The following TANC2 variants were observed in gnomAD, a reference collection of about 807,000 sequenced individuals.
TANC2 encodes tetratricopeptide repeat, ankyrin repeat and coiled-coil containing 2.
A neutral mutation model predicts 210.5 loss-of-function variants in TANC2; 26 were observed. The observed-to-expected ratio is 0.12, with a 90% CI of 0.09 to 0.17. The LOEUF is 0.17. Among genes scored for constraint, TANC2 ranks in the 10% least tolerant of loss-of-function variants. The pLI is 1.00. For synonymous variants in TANC2, 931 were observed against 967.1 expected (o/e 0.96, Z 0.69); for missense variants, 2,129 against 2,608.9 (o/e 0.82, Z 4.01).
intron 7 of TANC2, 131 bp from the exon 8 acceptor site, chr17:63,237,683 A>G: frequency 4.5e-6 from 4 of 882,594 alleles, no homozygotes; most frequent in Non-Finnish European, 6.7e-6. Flanking sequence ...GCATATGGCA[A>G]TCCAGTTTTT....
At chr17:63,340,506 C>A (rs1468906759) in intron 12 of TANC2, among the ~76,000 whole-genome samples, 174 bp downstream of exon 12, 1 of 151,574 alleles carries the variant, frequency 6.6e-6, no homozygotes, top group African/African-American at 2.4e-5. Context: ...AAAAAAAAAT[C>A]CAGCAGTAAC....
chr17:63,220,715 A>ATAT lies in TANC2; in HGVS notation c.770-17099_770-17098insTAT, dbSNP rs1325036062. 4.0e-4 allele frequency among the ~76,000 whole-genome samples: 55 copies of ATAT among 138,826 alleles called. 1 individual carries two copies. The highest frequency in any genetic ancestry group is 6.5e-4 in the African/African-American group (24 of 36,800). 91.1% of individuals were successfully genotyped at this position (138,826 alleles called of 152,430 possible). A position where few individuals can be genotyped will look rare whatever the true frequency, so the allele number is the denominator to read the frequency against. ...CAAGAATCAGTCTCAAAAAAAAAAA[A>ATAT]AAAAATATATATATATATATATGTA... On this transcript the variant is annotated intron_variant, in intron 7 of 27. Coordinates refer to ENST00000689528, the Ensembl canonical transcript of TANC2.
intron 5 of TANC2, chr17:63,182,786 C>T (rs1411210307): frequency 6.5e-6 from 1 of 152,816 alleles, no homozygotes; most frequent in Non-Finnish European, 1.5e-5. Flanking sequence ...AAAATCACTA[C>T]AAAGAGAATT....
chr17:63,062,965 C>T (rs988963277), intron 2 of TANC2, among the ~76,000 whole-genome samples: 2 of 152,094 alleles, frequency 1.3e-5, no homozygotes, highest in African/African-American at 4.8e-5. Context: ...GGCTCAGTCC[C>T]ACAAACATGA....
At chr17:63,293,543 T>C (rs1012539343) in intron 9 of TANC2, among the ~76,000 whole-genome samples, 1 of 152,184 alleles carries the variant, frequency 6.6e-6, no homozygotes, top group Admixed American at 6.5e-5. Context: ...TCTCTTTAAA[T>C]GATTCATGGT....
chr17:63,201,622 C>CT (rs76234428), intron 7 of TANC2, among the ~76,000 whole-genome samples: 7,848 of 139,822 alleles, frequency 0.056, 223 homozygotes, highest in South Asian at 0.084. Flanking sequence ...TTTCTTATAC[C>CT]TTTTTTTTTT....
chr17:63,384,277 G>A (rs1301004970), intron 15 of TANC2, among the ~76,000 whole-genome samples: 1 of 151,968 alleles, frequency 6.6e-6, no homozygotes, highest in Non-Finnish European at 1.5e-5. Context: ...TCACCATGTT[G>A]CCCAGGCTGG....
At chr17:63,397,488 C>T (rs2048205406) in intron 18 of TANC2, among the ~76,000 whole-genome samples, 1 of 152,178 alleles carries the variant, frequency 6.6e-6, no homozygotes, top group Non-Finnish European at 1.5e-5. Flanking sequence ...GATATGTGAT[C>T]TACTGTTAAA....
intron 5 of TANC2, among the ~76,000 whole-genome samples, chr17:63,191,042 T>G (rs920703803): frequency 3.9e-5 from 6 of 152,040 alleles, no homozygotes; most frequent in Non-Finnish European, 5.9e-5. Flanking sequence ...TTTTTTCTCC[T>G]GGTAAATTTT....
chr17:63,406,017 A>T (rs1217559948), intron 20 of TANC2, 137 bp from the exon 21 acceptor site: 1 of 1,072,362 alleles, frequency 9.3e-7, no homozygotes, highest in East Asian at 2.7e-5. Context: ...CTATACAGGT[A>T]CTTATGGGGG....
intron 1 of TANC2, among the ~76,000 whole-genome samples, chr17:63,000,062 C>T (rs2033301092): frequency 1.3e-5 from 2 of 152,152 alleles, no homozygotes; most frequent in African/African-American, 2.4e-5. Flanking sequence ...AGGAAGAACA[C>T]ACACCAGGGC....
At chr17:63,204,285 A>C (rs1057119691) in intron 7 of TANC2, among the ~76,000 whole-genome samples, 4 of 137,422 alleles carry the variant, frequency 2.9e-5, no homozygotes, top group Admixed American at 1.4e-4. Context: ...CCAAGGAGGC[A>C]AAAAAAAAAA....
chr17:63,194,029 G>T, exon 6 of TANC2: 18 of 1,613,276 alleles, frequency 1.1e-5, no homozygotes, highest in Non-Finnish European at 1.5e-5. Context: ...TCCATCTGTA[G>T]ATGAGGCAGC....
intron 4 of TANC2, among the ~76,000 whole-genome samples, chr17:63,104,308 T>C (rs920602217): frequency 6.6e-6 from 1 of 152,144 alleles, no homozygotes; most frequent in African/African-American, 2.4e-5. Context: ...TCAGCATAGA[T>C]AGATGATTAA....
At chr17:63,001,034 A>T (rs959094704) in intron 1 of TANC2, among the ~76,000 whole-genome samples, 1 of 150,208 alleles carries the variant, frequency 6.7e-6, no homozygotes, top group African/African-American at 2.4e-5. Flanking sequence ...TATGCCACCC[A>T]CCAAAATATT....
chr17:63,314,272 C>G, intron 9 of TANC2, 116 bp from the exon 10 acceptor site: 1 of 1,138,170 alleles, frequency 8.8e-7, no homozygotes, highest in Non-Finnish European at 1.3e-6. Context: ...CTGAATAAGC[C>G]TAGGATGCCA....
intron 15 of TANC2, among the ~76,000 whole-genome samples, chr17:63,380,755 A>T (rs2047580727): frequency 6.6e-6 from 1 of 152,220 alleles, no homozygotes; most frequent in Non-Finnish European, 1.5e-5. Flanking sequence ...GGCATTAAGG[A>T]TAACTTCAAG....
intron 14 of TANC2, among the ~76,000 whole-genome samples, chr17:63,376,341 A>G (rs1308437957): frequency 6.6e-6 from 1 of 151,570 alleles, no homozygotes; most frequent in Middle Eastern, 3.2e-3. Context: ...ATGTTGTGGG[A>G]GGGACCTGGT....
At chr17:63,251,400 T>C (rs1392380111) in intron 8 of TANC2, among the ~76,000 whole-genome samples, 1 of 151,922 alleles carries the variant, frequency 6.6e-6, no homozygotes, top group African/African-American at 2.4e-5. Flanking sequence ...TGAGGAAGAG[T>C]ACAACTAGGT....
Sources: gnomAD v4.1 joint callset for allele counts (sites outside exome capture counted in the v4.1 genomes callset) on GRCh38, gnomAD v4.1.1 for gene constraint, MANE v1.5 for transcripts, NCBI Gene and HGNC (gene_info 2026-07-23, HGNC 2026-07-21) for gene names.